BBS9: variants seen among roughly 807,000 people sequenced by gnomAD.
BBS9 encodes the protein protein PTHB1.
BBS9 carries 89 observed loss-of-function variants against 117.7 expected under a neutral mutation model. The observed-to-expected ratio is 0.76, with a 90% confidence interval of 0.64 to 0.90. The LOEUF (loss-of-function observed/expected upper bound fraction) is 0.90. Among genes scored for constraint, BBS9 ranks in the 40% least tolerant of loss-of-function variants. The pLI is 0.00. For missense variants in BBS9, 982 were observed against 1,042.2 expected, an observed-to-expected ratio of 0.94 and a Z score of 0.80; for synonymous variants, 379 against 370.9, an observed-to-expected ratio of 1.02 and a Z score of -0.25.
At chr7:33,530,136 C>G (rs764192446) in intron 20 of BBS9, among the ~76,000 whole-genome samples, 2 of 152,132 alleles carry the variant, frequency 1.3e-5, no homozygotes, top group Non-Finnish European at 2.9e-5. Context: ...CTCAAAGGCT[C>G]TTTTTTTGTC....
Position 33,382,946 on chromosome 7 carries a change from A to G in BBS9, c.1790-720A>G, listed in dbSNP as rs937323612. Among the ~76,000 whole-genome samples the G allele has an allele frequency of 5.3e-5, 8 of 152,186 alleles. No individual in the cohort carries two copies. In the East Asian group the frequency reaches 1.2e-3, roughly 22 times the overall value. Reference sequence around the variant, plus strand: ...TTTTCCTTTGTATAAAAAAGGGGCTATTGTAATCACAGTTCTTGGTACACA... The same window carrying G: ...TTTTCCTTTGTATAAAAAAGGGGCTGTTGTAATCACAGTTCTTGGTACACA... On this transcript the variant is annotated intron_variant, in intron 17 of 22. Transcript: ENST00000242067.
chr7:33,521,316 C>A (rs904141517), intron 20 of BBS9, among the ~76,000 whole-genome samples: 3 of 152,208 alleles, frequency 2.0e-5, no homozygotes, highest in Non-Finnish European at 4.4e-5. Context: ...GCCGAACCTT[C>A]TGAAGGTCTC....
chr7:33,354,912 T>C (rs1458358914), intron 15 of BBS9, among the ~76,000 whole-genome samples: 2 of 152,076 alleles, frequency 1.3e-5, no homozygotes, highest in African/African-American at 4.8e-5. Flanking sequence ...GAGAGGTGAT[T>C]ATATCTGGTA....
At chr7:33,496,637 A>G (rs543873180) in intron 19 of BBS9, among the ~76,000 whole-genome samples, 1 of 152,338 alleles carries the variant, frequency 6.6e-6, no homozygotes, top group East Asian at 1.9e-4. Flanking sequence ...TGTCCTATTA[A>G]TACAAAATAA....
At chr7:33,261,663 A>T (rs368087948) in intron 6 of BBS9, among the ~76,000 whole-genome samples, 1 of 152,240 alleles carries the variant, frequency 6.6e-6, no homozygotes, top group Admixed American at 6.5e-5. Context: ...GCCTCAATCT[A>T]TATTTTAGTT....
intron 21 of BBS9, among the ~76,000 whole-genome samples, chr7:33,611,645 GTATAT>G (rs1864873768): frequency 2.0e-5 from 2 of 101,984 alleles, no homozygotes; most frequent in Admixed American, 9.6e-5. Flanking sequence ...ATTATATAAG[GTATAT>G]TATATATTAA....
chr7:33,505,445 A>G lies in BBS9; in HGVS notation c.2116-18A>G. Reference sequence around the variant, plus strand: ...TAATTGTGAAATTATCCCTAACCGAAGTTTGTAATATCTGCAGGTAATTGC... The same window carrying G: ...TAATTGTGAAATTATCCCTAACCGAGGTTTGTAATATCTGCAGGTAATTGC... On this transcript the variant is annotated intron_variant, in intron 19 of 22. Transcript: ENST00000242067. 1 of 1,613,844 alleles carries G rather than the reference A, an allele frequency of 6.2e-7. No individual in the cohort carries two copies. The highest frequency in any genetic ancestry group is 1.3e-5 in the African/African-American group (1 of 75,066).
intron 5 of BBS9, among the ~76,000 whole-genome samples, chr7:33,193,512 C>A (rs1161893935): frequency 6.6e-6 from 1 of 150,818 alleles, no homozygotes; most frequent in Non-Finnish European, 1.5e-5. Context: ...GCTTGGCCCA[C>A]TCTGTTTGGG....
chr7:33,268,251 C>T (rs2128334935), intron 7 of BBS9, among the ~76,000 whole-genome samples: 1 of 152,316 alleles, frequency 6.6e-6, no homozygotes, highest in South Asian at 2.1e-4. Flanking sequence ...AGTAAGTACT[C>T]AGCTGAATAT....
At chr7:33,532,278 G>A (rs1850702267) in intron 20 of BBS9, among the ~76,000 whole-genome samples, 1 of 152,192 alleles carries the variant, frequency 6.6e-6, no homozygotes, top group Non-Finnish European at 1.5e-5. Context: ...CAGGTGGATG[G>A]GAACAGAATA....
chr7:33,258,892 C>G (rs950967594), intron 6 of BBS9, among the ~76,000 whole-genome samples: 6 of 152,254 alleles, frequency 3.9e-5, no homozygotes, highest in Non-Finnish European at 7.4e-5. Flanking sequence ...ATTGTTTTAA[C>G]TGTGGTAAGT....
chr7:33,200,367 A>G (rs1357333491), intron 5 of BBS9, among the ~76,000 whole-genome samples: 1 of 152,140 alleles, frequency 6.6e-6, no homozygotes, highest in Non-Finnish European at 1.5e-5. Flanking sequence ...ACATTGTCCA[A>G]GTTGATAATG....
At chr7:33,606,807 G>A (rs1864596981), downstream of BBS9, among the ~76,000 whole-genome samples, 1 of 152,046 alleles carries the variant, frequency 6.6e-6, no homozygotes, top group African/African-American at 2.4e-5. Flanking sequence ...AAGGCATCAT[G>A]GACTGTACTT....
intron 21 of BBS9, among the ~76,000 whole-genome samples, chr7:33,611,627 ATAATAT>A (rs1438796668): frequency 3.8e-5 from 5 of 130,822 alleles, no homozygotes; most frequent in African/African-American, 1.6e-4. Flanking sequence ...TAATTATTTA[ATAATAT>A]TATTATATAA....
intron 5 of BBS9, among the ~76,000 whole-genome samples, chr7:33,243,242 A>G (rs529338991): frequency 6.6e-6 from 1 of 152,306 alleles, no homozygotes; most frequent in Non-Finnish European, 1.5e-5. Flanking sequence ...TCCTCCTTGT[A>G]TGACATTGGA....
intron 9 of BBS9, among the ~76,000 whole-genome samples, chr7:33,307,077 T>A (rs1562969075): frequency 1.3e-5 from 2 of 152,302 alleles, no homozygotes; most frequent in East Asian, 1.9e-4. Context: ...GCAATTTGAA[T>A]CACAATTCAC....
intron 21 of BBS9, among the ~76,000 whole-genome samples, chr7:33,603,087 A>C (rs1864045568): frequency 6.6e-6 from 1 of 152,144 alleles, no homozygotes; most frequent in Admixed American, 6.5e-5. Flanking sequence ...AGCACATGGC[A>C]GCTGTCTTAA....
intron 4 of BBS9, among the ~76,000 whole-genome samples, chr7:33,164,970 TCTTTC>T (rs1264106616): frequency 6.6e-6 from 1 of 152,176 alleles, no homozygotes; most frequent in Admixed American, 6.5e-5. Flanking sequence ...CTGATACCGG[TCTTTC>T]CTTTCCATGT....
At chr7:33,245,767 A>T (rs958960772) in intron 5 of BBS9, among the ~76,000 whole-genome samples, 1 of 152,004 alleles carries the variant, frequency 6.6e-6, no homozygotes, top group Non-Finnish European at 1.5e-5. Context: ...GAGCACTAAC[A>T]TATAAGAGAC....
Sources: allele counts gnomAD v4.1 joint callset (sites outside exome capture counted in the v4.1 genomes callset), GRCh38; gene constraint gnomAD v4.1.1; transcripts MANE v1.5; gene names NCBI Gene and HGNC (gene_info 2026-07-23, HGNC 2026-07-21).